The following RCBTB1 variants were observed in gnomAD, a reference collection of about 807,000 sequenced individuals.
The protein encoded by RCBTB1 is RCC1 and BTB domain-containing protein 1.
RCBTB1 carries 46 observed loss-of-function variants against 62.4 expected under a neutral mutation model. That is an observed-to-expected ratio of 0.74 (90% CI 0.58 to 0.94). The LOEUF is 0.94. Among genes scored for constraint, RCBTB1 ranks in the 40% least tolerant of loss-of-function variants. The probability of loss-of-function intolerance (pLI) is 0.00; values close to 1 mark genes in which losing one functional copy is unlikely to be tolerated. For missense variants in RCBTB1, 565 were observed against 654.9 expected, an observed-to-expected ratio of 0.86 and a Z score of 1.50; for synonymous variants, 222 against 245.8, an observed-to-expected ratio of 0.90 and a Z score of 0.91.
rs774882350 is a variant in RCBTB1, at chr13:49,560,041, A to C, written c.321T>G (p.Leu107=). Residue 107 remains leucine (L), a synonymous_variant, in exon 5 of 13, where the codon CTT becomes CTG. Coordinates refer to ENST00000378302, the MANE Select transcript of RCBTB1 (RefSeq NM_018191.4). The part of the protein sequence containing the change: ...YAWGHNGYSQ[L]GNGTTNQGIA... ...TGCCTTGGTTGGTCGTCCCATTCCC[A>C]AGCTGGCTATATCCATTGTGGCCCC... The C allele has an allele frequency of 6.2e-7, 1 of 1,614,030 alleles. No individual in the cohort carries two copies. Among genetic ancestry groups the C allele is most frequent in the African/African-American group, 1.3e-5 (1 of 74,902 alleles).
At chr13:49,555,483 T>C (rs1000537941) in intron 6 of RCBTB1, 32 bp downstream of exon 6, 3 of 1,578,688 alleles carry the variant, frequency 1.9e-6, no homozygotes, top group Non-Finnish European at 2.6e-6. Context: ...AAAAAGAAGG[T>C]AGAAAGGGAA....
chr13:49,583,551 T>C (rs1198687067), intron 1 of RCBTB1, among the ~76,000 whole-genome samples: 1 of 151,990 alleles, frequency 6.6e-6, no homozygotes, highest in African/African-American at 2.4e-5. Context: ...ACACAACATG[T>C]ACTTTTTTTT....
intron 6 of RCBTB1, among the ~76,000 whole-genome samples, chr13:49,553,819 T>A (rs1319820291): frequency 6.6e-6 from 1 of 152,136 alleles, no homozygotes; most frequent in Non-Finnish European, 1.5e-5. Context: ...GGAGAGAAAT[T>A]TGGCAATGGC....
At chr13:49,538,712 T>A (rs895115292) in intron 12 of RCBTB1, among the ~76,000 whole-genome samples, 2 of 151,546 alleles carry the variant, frequency 1.3e-5, no homozygotes, top group African/African-American at 2.4e-5. Flanking sequence ...CAAGACCCTG[T>A]ATCACCAGGA....
chr13:49,542,831 C>G (rs1173174643), intron 10 of RCBTB1, among the ~76,000 whole-genome samples: 1 of 152,170 alleles, frequency 6.6e-6, no homozygotes, highest in East Asian at 1.9e-4. Flanking sequence ...AGCTCCTACA[C>G]TGTATTTACA....
Position 49,585,455 on chromosome 13 carries a change from G to C in RCBTB1, c.-133C>G, listed in dbSNP as rs1172465056. On this transcript the variant is annotated 5_prime_UTR_variant, in exon 1 of 13. Transcript: ENST00000378302. Reference sequence around the variant, plus strand: ...CGCCCACACGCTACCTGCGAGGTCAGCTGCTGCCGCGCCGTCCCGCGGGAC... The same window carrying C: ...CGCCCACACGCTACCTGCGAGGTCACCTGCTGCCGCGCCGTCCCGCGGGAC... The C allele has an allele frequency of 1.3e-5, 2 of 152,276 alleles. No homozygotes were observed. Among genetic ancestry groups the C allele is most frequent in the Non-Finnish European group, 2.9e-5 (2 of 68,102 alleles). The allele number at this position is 152,276 out of a possible 1,614,324, so 9.4% of individuals were successfully genotyped here. A position where few individuals can be genotyped will look rare whatever the true frequency, so the allele number is the denominator to read the frequency against.
At chr13:49,545,782 C>G (rs1194012575) in intron 9 of RCBTB1, among the ~76,000 whole-genome samples, 1 of 152,158 alleles carries the variant, frequency 6.6e-6, no homozygotes, top group Admixed American at 6.5e-5. Flanking sequence ...TCAAAGACCT[C>G]GGCTTCCAAG....
intron 2 of RCBTB1, among the ~76,000 whole-genome samples, chr13:49,575,015 A>G (rs1963679760): frequency 6.6e-6 from 1 of 152,234 alleles, no homozygotes; most frequent in Non-Finnish European, 1.5e-5. Flanking sequence ...TACCTAGAAC[A>G]GTCAAATTCA....
At chr13:49,540,298 CAA>C (rs905473108) in intron 12 of RCBTB1, among the ~76,000 whole-genome samples, 1 of 152,168 alleles carries the variant, frequency 6.6e-6, no homozygotes, top group Non-Finnish European at 1.5e-5. Context: ...AAAATGCACA[CAA>C]ACTTTCAGAC....
rs1327124950 is a variant in RCBTB1, at chr13:49,533,119, G to C, written c.*1003C>G. On this transcript the variant is annotated 3_prime_UTR_variant, in exon 13 of 13. Coordinates refer to ENST00000378302, the MANE Select transcript of RCBTB1 (RefSeq NM_018191.4). The stretch of plus-strand genomic sequence containing the variant: ...ACATAAGCCAATGTGTGATGGATTT[G>C]GCCTAAAGTAGATAAAGCAAATTCC... 1.3e-5 allele frequency: 2 copies of C among 152,236 alleles called. No individual in the cohort carries two copies. Among genetic ancestry groups the C allele is most frequent in the East Asian group, 3.9e-4 (2 of 5,182 alleles). 9.4% of individuals were successfully genotyped at this position (152,236 alleles called of 1,614,324 possible). A position where few individuals can be genotyped will look rare whatever the true frequency, so the allele number is the denominator to read the frequency against.
chr13:49,543,973 C>T (rs992036277), intron 10 of RCBTB1, among the ~76,000 whole-genome samples: 4 of 152,192 alleles, frequency 2.6e-5, no homozygotes, highest in African/African-American at 9.7e-5. Flanking sequence ...AGGCATGAGC[C>T]ACCATGCTGA....
At chr13:49,541,084 G>T in intron 11 of RCBTB1, 78 bp from the exon 12 acceptor site, 1 of 1,279,078 alleles carries the variant, frequency 7.8e-7, no homozygotes, top group Non-Finnish European at 1.1e-6. Flanking sequence ...TTGGTGAACA[G>T]AGGTGTACAG....
At chr13:49,573,044 A>G (rs76477280) in intron 2 of RCBTB1, among the ~76,000 whole-genome samples, 2,054 of 152,212 alleles carry the variant, frequency 0.013, 62 homozygotes, top group East Asian at 0.12. Context: ...TGTCCAAATT[A>G]TAAGCACCCC....
At chr13:49,568,799 T>A (rs958134346) in intron 2 of RCBTB1, among the ~76,000 whole-genome samples, 1 of 152,078 alleles carries the variant, frequency 6.6e-6, no homozygotes, top group Non-Finnish European at 1.5e-5. Context: ...CATGGTGGTG[T>A]GTGCCTGCAG....
intron 1 of RCBTB1, among the ~76,000 whole-genome samples, chr13:49,583,728 A>G (rs1964235155): frequency 6.6e-6 from 1 of 152,042 alleles, no homozygotes; most frequent in South Asian, 2.1e-4. Flanking sequence ...TTGTATTTTT[A>G]GTAGAGACGG....
chr13:49,544,629 T>A (rs902453485), intron 10 of RCBTB1, 108 bp downstream of exon 10: 1 of 846,000 alleles, frequency 1.2e-6, no homozygotes, highest in Non-Finnish European at 1.8e-6. Context: ...TATTAAGTAG[T>A]GACATTTCTC....
At chr13:49,544,982 G>T in intron 9 of RCBTB1, 119 bp from the exon 10 acceptor site, 1 of 750,154 alleles carries the variant, frequency 1.3e-6, no homozygotes, top group Non-Finnish European at 2.1e-6. Context: ...TTTTTCAAGA[G>T]TTCATACCTT....
intron 12 of RCBTB1, among the ~76,000 whole-genome samples, chr13:49,535,618 C>T (rs1052747591): frequency 3.9e-5 from 6 of 152,162 alleles, no homozygotes; most frequent in African/African-American, 1.4e-4. Context: ...TTTCTGCTCT[C>T]AGCACAGACC....
At chr13:49,550,099 T>C (rs1269242742) in intron 8 of RCBTB1, among the ~76,000 whole-genome samples, 1 of 151,968 alleles carries the variant, frequency 6.6e-6, no homozygotes, top group African/African-American at 2.4e-5. Flanking sequence ...AAGCAATCCT[T>C]CCACCTCAGC....
Sources: allele counts gnomAD v4.1 joint callset (sites outside exome capture counted in the v4.1 genomes callset), GRCh38; gene constraint gnomAD v4.1.1; transcripts MANE v1.5; gene names NCBI Gene and HGNC (gene_info 2026-07-23, HGNC 2026-07-21).